The following ANKS1A variants were observed in gnomAD, a reference collection of about 807,000 sequenced individuals.
ANKS1A encodes ankyrin repeat and SAM domain-containing protein 1A.
ANKS1A carries 55 observed loss-of-function variants against 120.3 expected under a neutral mutation model. The observed-to-expected ratio is 0.46, with a 90% CI of 0.37 to 0.57. The LOEUF (loss-of-function observed/expected upper bound fraction) is 0.57, where lower values mean the gene tolerates loss of function less well. ANKS1A is among the 20% of genes least tolerant of loss of function. The pLI, the probability that ANKS1A is intolerant of heterozygous loss-of-function variation, is 0.00. For missense variants in ANKS1A, 1,123 were observed against 1,480.3 expected (o/e 0.76, Z 3.96); for synonymous variants, 590 against 604.7 (o/e 0.98, Z 0.36).
At chr6:34,897,344 T>C (rs554824533) in intron 1 of ANKS1A, among the ~76,000 whole-genome samples, 2 of 152,180 alleles carry the variant, frequency 1.3e-5, no homozygotes, top group Non-Finnish European at 2.9e-5. Context: ...GGAGGTTCTT[T>C]TTCCCACATT....
intron 19 of ANKS1A, 22 bp from the exon 20 acceptor site, chr6:35,083,395 G>A: frequency 6.2e-7 from 1 of 1,612,458 alleles, no homozygotes; most frequent in Non-Finnish European, 8.5e-7. Context: ...GCACTGACAG[G>A]GCCACCCCTT....
At chr6:34,896,062 CTTT>C (rs577518357) in intron 1 of ANKS1A, among the ~76,000 whole-genome samples, 1 of 136,546 alleles carries the variant, frequency 7.3e-6, no homozygotes, top group Admixed American at 7.4e-5. Flanking sequence ...CGTGCCTGGC[CTTT>C]TTTTTTTTTC....
intron 11 of ANKS1A, chr6:35,039,682 G>A (rs769774748): frequency 4.4e-6 from 2 of 454,166 alleles, no homozygotes; most frequent in South Asian, 3.1e-5. Flanking sequence ...TCCTGAAAGA[G>A]GCAAGTGTGT....
intron 10 of ANKS1A, among the ~76,000 whole-genome samples, chr6:35,008,540 G>C (rs1773580788): frequency 6.6e-6 from 1 of 152,136 alleles, no homozygotes; most frequent in African/African-American, 2.4e-5. Context: ...AGGAGCTCCT[G>C]CACAAAGTCC....
chr6:34,953,447 G>C (rs1443211626), intron 1 of ANKS1A, among the ~76,000 whole-genome samples: 1 of 152,188 alleles, frequency 6.6e-6, no homozygotes, highest in Non-Finnish European at 1.5e-5. Context: ...TTCTAGGAAA[G>C]AAGGTTCTGT....
At chr6:35,023,054 C>T (rs1384130399) in intron 11 of ANKS1A, among the ~76,000 whole-genome samples, 1 of 152,150 alleles carries the variant, frequency 6.6e-6, no homozygotes, top group Non-Finnish European at 1.5e-5. Flanking sequence ...GCTTATGTGT[C>T]GTGCATTAAT....
intron 11 of ANKS1A, among the ~76,000 whole-genome samples, chr6:35,052,307 C>T (rs368300115): frequency 5.8e-4 from 87 of 151,176 alleles, no homozygotes; most frequent in Middle Eastern, 7.0e-3. Flanking sequence ...AAAAATTAGC[C>T]GGCTGTGGTG....
intron 18 of ANKS1A, 102 bp from the exon 19 acceptor site, chr6:35,083,051 TGA>T: frequency 7.0e-7 from 1 of 1,429,084 alleles, no homozygotes; most frequent in African/African-American, 1.4e-5. Flanking sequence ...GTGTTGTTAT[TGA>T]GAGGGGTAAC....
intron 10 of ANKS1A, among the ~76,000 whole-genome samples, chr6:35,009,177 G>T (rs1291671075): frequency 6.6e-6 from 1 of 152,148 alleles, no homozygotes; most frequent in Non-Finnish European, 1.5e-5. Flanking sequence ...GACTGGAGGC[G>T]GGAATGCCCT....
Position 35,088,805 on chromosome 6 carries a change from A to C in ANKS1A, c.*196A>C. ...AACGAGCCCTGCCTTGGCTGTGGAG[A>C]AGCACTCCAGGCCGCTAGCAGATGG... On this transcript the variant is annotated 3_prime_UTR_variant, in exon 24 of 24. Coordinates refer to ENST00000360359, the MANE Select transcript of ANKS1A (RefSeq NM_015245.3). 3 of 1,501,822 alleles carry C rather than the reference A, an allele frequency of 2.0e-6. No individual in the cohort carries two copies. Among genetic ancestry groups the C allele is most frequent in the Non-Finnish European group, 1.8e-6 (2 of 1,126,568 alleles). 93.0% of individuals were successfully genotyped at this position (1,501,822 alleles called of 1,614,324 possible).
chr6:34,951,499 T>C (rs564628262), intron 1 of ANKS1A, among the ~76,000 whole-genome samples: 2 of 152,312 alleles, frequency 1.3e-5, no homozygotes, highest in African/African-American at 4.8e-5. Context: ...TTTAGATCTT[T>C]GACATTCAGC....
At chr6:34,967,415 T>G (rs2127508757) in intron 2 of ANKS1A, 96 bp downstream of exon 2, 1 of 1,211,862 alleles carries the variant, frequency 8.3e-7, no homozygotes, top group South Asian at 1.4e-5. Flanking sequence ...TGGCTGAGCT[T>G]AGTGGCTCAT....
At chr6:34,955,929 A>T (rs1770339564) in intron 1 of ANKS1A, among the ~76,000 whole-genome samples, 1 of 152,074 alleles carries the variant, frequency 6.6e-6, no homozygotes, top group Non-Finnish European at 1.5e-5. Flanking sequence ...TGTTCTCTTT[A>T]TCCCATTTAT....
At chr6:34,983,085 C>A in intron 5 of ANKS1A, 28 bp from the exon 6 acceptor site, 1 of 1,603,970 alleles carries the variant, frequency 6.2e-7, no homozygotes, top group Non-Finnish European at 8.5e-7. Context: ...ATGCTCACTC[C>A]CCTGGTCCAC....
At chr6:34,947,673 T>G (rs1769872087) in intron 1 of ANKS1A, among the ~76,000 whole-genome samples, 1 of 152,332 alleles carries the variant, frequency 6.6e-6, no homozygotes, top group Admixed American at 6.5e-5. Context: ...AAAAGCTGTT[T>G]ATGGGAAAGC....
chr6:34,938,861 G>C (rs1039908675), intron 1 of ANKS1A, among the ~76,000 whole-genome samples: 1 of 152,202 alleles, frequency 6.6e-6, no homozygotes, highest in Non-Finnish European at 1.5e-5. Flanking sequence ...GGTGGCGCAC[G>C]CCTGTAATCC....
chr6:34,987,489 T>G (rs1317767848), intron 8 of ANKS1A, among the ~76,000 whole-genome samples: 1 of 152,214 alleles, frequency 6.6e-6, no homozygotes, highest in Non-Finnish European at 1.5e-5. Context: ...GCTGTTCCCT[T>G]CCTTACAAGG....
At chr6:34,909,588 C>G (rs192284262) in intron 1 of ANKS1A, among the ~76,000 whole-genome samples, 55 of 152,242 alleles carry the variant, frequency 3.6e-4, no homozygotes, top group Middle Eastern at 3.4e-3. Flanking sequence ...TAATGAGTGC[C>G]TTGTTTGTGC....
At chr6:35,034,255 C>A (rs933964474) in intron 11 of ANKS1A, among the ~76,000 whole-genome samples, 4 of 152,142 alleles carry the variant, frequency 2.6e-5, no homozygotes, top group Non-Finnish European at 5.9e-5. Context: ...GGGTGGTTTT[C>A]TATTTTGACA....
Sources: allele counts gnomAD v4.1 joint callset (sites outside exome capture counted in the v4.1 genomes callset), GRCh38; gene constraint gnomAD v4.1.1; transcripts MANE v1.5; gene names NCBI Gene and HGNC (gene_info 2026-07-23, HGNC 2026-07-21).